KCNMB2: variants seen among roughly 807,000 people sequenced by gnomAD.
KCNMB2 encodes the protein potassium calcium-activated channel subfamily M regulatory beta subunit 2, also known as calcium-activated potassium channel subunit beta-2.
KCNMB2 carries 9 observed loss-of-function variants against 24.5 expected under a neutral mutation model. The observed-to-expected ratio is 0.37, with a 90% CI of 0.22 to 0.64. The LOEUF (loss-of-function observed/expected upper bound fraction) is 0.64, where lower values mean the gene tolerates loss of function less well. KCNMB2 is among the 30% of genes least tolerant of loss of function. KCNMB2 has a pLI of 0.63. For synonymous variants in KCNMB2, 109 were observed against 104.4 expected (o/e 1.04, Z -0.27); for missense variants, 226 against 284.3 (o/e 0.79, Z 1.47).
At chr3:178,684,407 G>A (rs901669696) in intron 1 of KCNMB2, among the ~76,000 whole-genome samples, 4 of 152,062 alleles carry the variant, frequency 2.6e-5, no homozygotes, top group Admixed American at 2.0e-4. Flanking sequence ...GGATGAACAA[G>A]TCTAGAGATC....
intron 2 of KCNMB2, among the ~76,000 whole-genome samples, chr3:178,813,992 C>T (rs945176701): frequency 1.3e-5 from 2 of 150,592 alleles, no homozygotes; most frequent in African/African-American, 4.9e-5. Context: ...GTTGCTGCTG[C>T]TGCTGTTGTT....
rs1043669736 is a variant in KCNMB2, at chr3:178,828,369, A to G, written c.419A>G (p.Gln140Arg). ...YHTEETIKIN[Q>R]KCSYIPKCGK... ...ACAGAAGAGACAATAAAAATCAATCAGAAGGTAGGAACTTGGCGTACTGCA... is the reference window on the plus strand; with the variant it reads ...ACAGAAGAGACAATAAAAATCAATCGGAAGGTAGGAACTTGGCGTACTGCA... The change falls in exon 4 of 5, where the codon CAG becomes CGG. Residue 140 changes from glutamine to arginine, a missense_variant. Coordinates refer to ENST00000452583, the MANE Select transcript of KCNMB2 (RefSeq NM_181361.3). The G allele has an allele frequency of 3.7e-6, 6 of 1,612,230 alleles. No homozygotes were observed. The highest frequency in any genetic ancestry group is 4.2e-6 in the Non-Finnish European group (5 of 1,178,686).
intron 1 of KCNMB2, among the ~76,000 whole-genome samples, chr3:178,804,365 A>T (rs1713883741): frequency 6.6e-6 from 1 of 152,092 alleles, no homozygotes; most frequent in Admixed American, 6.6e-5. Context: ...CCTGCACAGA[A>T]CCTTTGTACT....
At chr3:178,679,389 C>T (rs879412095) in intron 1 of KCNMB2, among the ~76,000 whole-genome samples, 1 of 152,162 alleles carries the variant, frequency 6.6e-6, no homozygotes, top group Non-Finnish European at 1.5e-5. Flanking sequence ...TGCCACCATA[C>T]CCAGCCTATG....
chr3:178,582,628 C>G lies in KCNMB2; in HGVS notation c.-68+45917C>G, dbSNP rs539210579. Among the ~76,000 whole-genome samples, 65 of 152,216 alleles carry G rather than the reference C, an allele frequency of 4.3e-4. 1 individual carries two copies. Among genetic ancestry groups the G allele is most frequent in the African/African-American group, 1.5e-3 (63 of 41,542 alleles). Reference sequence around the variant, plus strand: ...TTTTACAAATACAGGGCAAGTCATTCAAAAGGTCACTTTTTTGATTGACCT... The same window carrying G: ...TTTTACAAATACAGGGCAAGTCATTGAAAAGGTCACTTTTTTGATTGACCT... On this transcript the variant is annotated intron_variant, in intron 1 of 4. Coordinates refer to ENST00000452583, the MANE Select transcript of KCNMB2 (RefSeq NM_181361.3).
intron 2 of KCNMB2, among the ~76,000 whole-genome samples, chr3:178,810,994 C>T (rs961863363): frequency 1.3e-5 from 2 of 150,914 alleles, no homozygotes; most frequent in Admixed American, 1.3e-4. Context: ...CCTCGTGATC[C>T]GCCCACCTCA....
At chr3:178,637,999 T>G (rs1446131748) in intron 1 of KCNMB2, among the ~76,000 whole-genome samples, 1 of 152,196 alleles carries the variant, frequency 6.6e-6, no homozygotes, top group East Asian at 1.9e-4. Flanking sequence ...TTTCTGTTCC[T>G]GGACACTCAT....
intron 1 of KCNMB2, among the ~76,000 whole-genome samples, chr3:178,805,964 A>C (rs1209572904): frequency 6.6e-6 from 1 of 152,090 alleles, no homozygotes; most frequent in African/African-American, 2.4e-5. Flanking sequence ...TCATATGCAC[A>C]TTACAGAGCT....
chr3:178,760,869 A>G (rs886412029), intron 1 of KCNMB2, among the ~76,000 whole-genome samples: 5 of 151,840 alleles, frequency 3.3e-5, no homozygotes, highest in Admixed American at 6.6e-5. Context: ...AAGAATGATT[A>G]TAGAAGATAT....
chr3:178,701,829 A>G (rs1299637420), intron 1 of KCNMB2, among the ~76,000 whole-genome samples: 2 of 152,162 alleles, frequency 1.3e-5, no homozygotes, highest in African/African-American at 4.8e-5. Context: ...GGGACTGTAA[A>G]CTAGTTCAAC....
rs78868858 is a variant in KCNMB2 at position 178,667,270 on chromosome 3, G to A, written c.-68+130559G>A. On this transcript the variant is annotated intron_variant, in intron 1 of 4. Coordinates refer to ENST00000452583, the MANE Select transcript of KCNMB2 (RefSeq NM_181361.3). Reference sequence around the variant, plus strand: ...GAAGACCATGTGCTATTGTTTGAATGTGTCCCCTCCAAAGTTTAGATGGGG... The same window carrying A: ...GAAGACCATGTGCTATTGTTTGAATATGTCCCCTCCAAAGTTTAGATGGGG... Among the ~76,000 whole-genome samples the A allele has an allele frequency of 5.2e-3, 796 of 152,146 alleles. 29 individuals are homozygous for A. In the East Asian group the frequency reaches 0.065, roughly 12 times the overall value.
chr3:178,602,195 G>A (rs1046744128), intron 1 of KCNMB2, among the ~76,000 whole-genome samples: 31 of 145,314 alleles, frequency 2.1e-4, no homozygotes, highest in African/African-American at 7.7e-4. Context: ...GCCAATCTAG[G>A]GTAACTATCT....
intron 1 of KCNMB2, among the ~76,000 whole-genome samples, chr3:178,782,491 C>T (rs796464380): frequency 0.13 from 18,343 of 146,162 alleles, 1,471 homozygotes; most frequent in Non-Finnish European, 0.16. Context: ...TTCTAACTGG[C>T]GTGAGATGGT....
At position 178,759,114 on chromosome 3, in the gene KCNMB2, G is replaced by GATAT. The variant is rs1166816308; in HGVS notation, c.-67-48218_-67-48215dup. Among the ~76,000 whole-genome samples, 23 of 6,498 alleles carry GATAT rather than the reference G, an allele frequency of 3.5e-3. 2 individuals are homozygous for GATAT. The highest frequency in any genetic ancestry group is 6.9e-3 in the African/African-American group (8 of 1,164). 4.3% of individuals were successfully genotyped at this position (6,498 alleles called of 152,430 possible). ...GATATATATATATATCTCCAAGAGG[G>GATAT]ATATATATATATATCTCCAAGAGGG... On this transcript the variant is annotated intron_variant, in intron 1 of 4. Transcript: ENST00000452583.
chr3:178,754,150 G>GTGTATATATATATATATATATATATA (rs1553773711), intron 1 of KCNMB2, among the ~76,000 whole-genome samples: 1 of 106,282 alleles, frequency 9.4e-6, no homozygotes, highest in African/African-American at 3.8e-5. Flanking sequence ...ATATTCCATT[G>GTGTATATATATATATATATATATATA]TATATATATA....
Position 178,620,536 on chromosome 3 carries a change from G to A in KCNMB2, c.-68+83825G>A, listed in dbSNP as rs76536997. The stretch of plus-strand genomic sequence containing the variant: ...AGGACTTGCTCCCTGGTTCATAGAC[G>A]GTACCTTCTCACTGTGCTCTTGCAT... On this transcript the variant is annotated intron_variant, in intron 1 of 4. Coordinates refer to ENST00000452583, the MANE Select transcript of KCNMB2 (RefSeq NM_181361.3). 9.7e-4 allele frequency among the ~76,000 whole-genome samples: 148 copies of A among 152,230 alleles called. 1 individual carries two copies. The East Asian group carries it at 0.023, about 24-fold the overall frequency.
Position 178,626,673 on chromosome 3 carries a change from A to G in KCNMB2, c.-68+89962A>G, listed in dbSNP as rs550233466. Reference sequence around the variant, plus strand: ...AGTCACTCACTATCACGGGAACAGCATGGGGTAAACTGCCCCCAGGATCCA... The same window carrying G: ...AGTCACTCACTATCACGGGAACAGCGTGGGGTAAACTGCCCCCAGGATCCA... On this transcript the variant is annotated intron_variant, in intron 1 of 4. Coordinates refer to ENST00000452583, the MANE Select transcript of KCNMB2 (RefSeq NM_181361.3). 1.8e-3 allele frequency among the ~76,000 whole-genome samples: 269 copies of G among 152,194 alleles called. 2 individuals are homozygous for G. The highest frequency in any genetic ancestry group is 3.4e-3 in the Middle Eastern group (1 of 294).
At chr3:178,774,476 G>C (rs2108424691) in intron 1 of KCNMB2, among the ~76,000 whole-genome samples, 1 of 152,270 alleles carries the variant, frequency 6.6e-6, no homozygotes, top group Middle Eastern at 3.4e-3. Context: ...AATACTTGAA[G>C]TCAAGCAATT....
chr3:178,802,847 CT>C (rs35889948), intron 1 of KCNMB2, among the ~76,000 whole-genome samples: 27,419 of 152,066 alleles, frequency 0.18, 2,834 homozygotes, highest in African/African-American at 0.28. Context: ...CAGAAAACCA[CT>C]TTTCCTCTAT....
Sources: gnomAD v4.1 joint callset for allele counts (sites outside exome capture counted in the v4.1 genomes callset) on GRCh38, gnomAD v4.1.1 for gene constraint, MANE v1.5 for transcripts, NCBI Gene and HGNC (gene_info 2026-07-23, HGNC 2026-07-21) for gene names.